NEDD9: variants seen among roughly 807,000 people sequenced by gnomAD.
The protein encoded by NEDD9 is neural precursor cell expressed, developmentally down-regulated 9.
A neutral mutation model predicts 76.6 loss-of-function variants in NEDD9; 26 were observed. The observed-to-expected ratio is 0.34, with a 90% CI of 0.25 to 0.47. NEDD9 has a LOEUF of 0.47. Among genes scored for constraint, NEDD9 ranks in the 20% least tolerant of loss-of-function variants. The pLI, the probability that NEDD9 is intolerant of heterozygous loss-of-function variation, is 1.00. For synonymous variants in NEDD9, 392 were observed against 414.2 expected (o/e 0.95, Z 0.65); for missense variants, 937 against 1,058.5 (o/e 0.89, Z 1.59).
At chr6:11,354,925 A>G (rs1277088205) in intron 1 of NEDD9, among the ~76,000 whole-genome samples, 5 of 152,120 alleles carry the variant, frequency 3.3e-5, no homozygotes, top group Non-Finnish European at 7.4e-5. Context: ...CCATCTTGCT[A>G]TGGGTTCAAA....
At position 11,364,374 on chromosome 6, in the gene NEDD9, T is replaced by A. The variant is rs1762726736; in HGVS notation, c.-214+17765A>T. ...TGTCTTTGAGGTAATAGAACTTAGC[T>A]GTGGGCATGTCTCTATGATGAATCC... On this transcript the variant is annotated intron_variant, in intron 1 of 3. Coordinates refer to the NEDD9 transcript ENST00000397378. 2.0e-5 allele frequency among the ~76,000 whole-genome samples: 3 copies of A among 152,212 alleles called. No individual in the cohort carries two copies. The South Asian group carries it at 6.2e-4, about 31-fold the overall frequency.
At chr6:11,195,824 G>A (rs1420774085) in intron 2 of NEDD9, among the ~76,000 whole-genome samples, 2 of 152,204 alleles carry the variant, frequency 1.3e-5, no homozygotes, top group East Asian at 1.9e-4. Context: ...GTGAAACTCC[G>A]TCTTTACTAA....
At chr6:11,281,771 T>A (rs1374630346) in intron 3 of NEDD9, among the ~76,000 whole-genome samples, 1 of 152,168 alleles carries the variant, frequency 6.6e-6, no homozygotes, top group Non-Finnish European at 1.5e-5. Context: ...ATTTTTATCT[T>A]GAGACAGACT....
At chr6:11,343,201 G>A (rs939775646) in intron 1 of NEDD9, among the ~76,000 whole-genome samples, 17 of 152,028 alleles carry the variant, frequency 1.1e-4, no homozygotes, top group Non-Finnish European at 2.1e-4. Flanking sequence ...AGGCTGAGGC[G>A]GGTGGATCAT....
At chr6:11,358,837 C>T (rs961517517) in intron 1 of NEDD9, among the ~76,000 whole-genome samples, 5 of 152,034 alleles carry the variant, frequency 3.3e-5, no homozygotes, top group South Asian at 2.1e-4. Flanking sequence ...TCATAAAGAC[C>T]GAGGAAATTC....
At chr6:11,334,459 C>T (rs550391062) in intron 2 of NEDD9, 1 of 152,296 alleles carries the variant, frequency 6.6e-6, no homozygotes, top group Non-Finnish European at 1.5e-5. Context: ...TTCATGCCAC[C>T]GCTACCACTG....
intron 1 of NEDD9, among the ~76,000 whole-genome samples, chr6:11,355,536 T>C (rs1762549640): frequency 6.6e-6 from 1 of 152,106 alleles, no homozygotes; most frequent in African/African-American, 2.4e-5. Context: ...AACTGAACGC[T>C]CTAATTTCTG....
At chr6:11,229,397 G>A (rs1759401844) in intron 1 of NEDD9, among the ~76,000 whole-genome samples, 2 of 151,842 alleles carry the variant, frequency 1.3e-5, no homozygotes, top group Admixed American at 1.3e-4. Context: ...TGAGGTGGGC[G>A]GGGCCTCGGG....
rs373668158 is a variant in NEDD9 at position 11,375,906 on chromosome 6, G to A, written c.-214+6233C>T. ...GTGGCGTGATCTCGGCTCACTGCAA[G>A]CTCCGCCTCCCGGGTTCATGCCATT... is the stretch of plus-strand genomic sequence containing the variant. On this transcript the variant is annotated intron_variant, in intron 1 of 3. Transcript: ENST00000397378. 7.9e-5 allele frequency among the ~76,000 whole-genome samples: 12 copies of A among 152,116 alleles called. No homozygotes were observed. In the East Asian group the frequency reaches 9.7e-4, roughly 12 times the overall value.
At chr6:11,209,547 G>A (rs1758710427) in intron 2 of NEDD9, among the ~76,000 whole-genome samples, 1 of 152,226 alleles carries the variant, frequency 6.6e-6, no homozygotes, top group African/African-American at 2.4e-5. Flanking sequence ...TCTGAGAAAG[G>A]AAACGCAAGG....
intron 3 of NEDD9, among the ~76,000 whole-genome samples, chr6:11,273,731 G>C (rs1347741651): frequency 6.6e-6 from 1 of 152,186 alleles, no homozygotes; most frequent in Non-Finnish European, 1.5e-5. Flanking sequence ...ATGACATGTA[G>C]GGCAACCGTG....
At position 11,192,359 on chromosome 6, in the gene NEDD9, G is replaced by C; in HGVS notation, c.649C>G (p.Pro217Ala). Residue 217 changes from proline to alanine, a missense_variant, in exon 4 of 7, where the codon CCG becomes GCG. Pro to Ala is a conservative substitution (Grantham distance 27). Coordinates refer to ENST00000379446, the MANE Select transcript of NEDD9 (RefSeq NM_006403.4). ...EIKPQGVYDI[P>A]PTKGVYAIPP... ...CACTCACTCACCCCTTTTGTAGGCG[G>C]GATGTCATACACCCCTTGAGGTTTT... The C allele has an allele frequency of 6.3e-7, 1 of 1,591,444 alleles. No individual in the cohort carries two copies. Among genetic ancestry groups the C allele is most frequent in the Non-Finnish European group, 8.5e-7 (1 of 1,171,444 alleles).
Position 11,257,703 on chromosome 6 carries a change from A to G in NEDD9, c.13-43976T>C, listed in dbSNP as rs575512200. ...GAGCCTGGCCCAGGCAAAACTCTAA[A>G]CAAGATGAGGGCCGAGGCTTCTCAT... On this transcript the variant is annotated intron_variant, in intron 3 of 3. Coordinates refer to the NEDD9 transcript ENST00000397378. 2.4e-4 allele frequency among the ~76,000 whole-genome samples: 37 copies of G among 152,170 alleles called. No homozygotes were observed. The South Asian group carries it at 5.4e-3, about 22-fold the overall frequency.
intron 1 of NEDD9, among the ~76,000 whole-genome samples, chr6:11,232,130 C>G (rs1023885153): frequency 6.6e-6 from 1 of 152,124 alleles, no homozygotes; most frequent in Admixed American, 6.5e-5. Flanking sequence ...ATTACAGTTC[C>G]CCAGGGCAGT....
At chr6:11,307,210 G>T (rs1761209921) in intron 2 of NEDD9, among the ~76,000 whole-genome samples, 1 of 152,174 alleles carries the variant, frequency 6.6e-6, no homozygotes, top group African/African-American at 2.4e-5. Flanking sequence ...AGGAGGAAGA[G>T]AAGTCCTCCT....
In NEDD9 at chr6:11,268,746, G is replaced by GACAC. The variant is rs200336412; in HGVS notation, c.12+37242_12+37245dup. Among the ~76,000 whole-genome samples, 290 of 136,586 alleles carry GACAC rather than the reference G, an allele frequency of 2.1e-3. 1 individual carries two copies. The highest frequency in any genetic ancestry group is 6.8e-3 in the African/African-American group (245 of 36,106). The allele number at this position is 136,586 out of a possible 152,430, so 89.6% of individuals were successfully genotyped here. A position where few individuals can be genotyped will look rare whatever the true frequency, so the allele number is the denominator to read the frequency against. Reference sequence around the variant, plus strand: ...TCCATCACACACACACACACACACAGACACACACACACACACACACACACA... The same window carrying GACAC: ...TCCATCACACACACACACACACACAGACACACACACACACACACACACACACACA... On this transcript the variant is annotated intron_variant, in intron 3 of 3. Coordinates refer to the NEDD9 transcript ENST00000397378.
chr6:11,307,641 T>C (rs1238932023), intron 2 of NEDD9, among the ~76,000 whole-genome samples: 1 of 152,130 alleles, frequency 6.6e-6, no homozygotes, highest in Non-Finnish European at 1.5e-5. Flanking sequence ...ATTATATATA[T>C]ATATATACAC....
intron 2 of NEDD9, among the ~76,000 whole-genome samples, chr6:11,320,571 G>A (rs1169827274): frequency 1.3e-5 from 2 of 152,220 alleles, no homozygotes; most frequent in East Asian, 3.8e-4. Context: ...TGGCACATGT[G>A]CAGGAAGACA....
chr6:11,230,744 T>C (rs1262593898), intron 1 of NEDD9, among the ~76,000 whole-genome samples: 1 of 152,236 alleles, frequency 6.6e-6, no homozygotes, highest in East Asian at 1.9e-4. Flanking sequence ...ATTTACATCA[T>C]TTGGCAAGGT....
Sources: allele counts gnomAD v4.1 joint callset (sites outside exome capture counted in the v4.1 genomes callset), GRCh38; gene constraint gnomAD v4.1.1; transcripts MANE v1.5; gene names NCBI Gene and HGNC (gene_info 2026-07-23, HGNC 2026-07-21).